COL22A1: variants seen among roughly 807,000 people sequenced by gnomAD.
COL22A1 encodes collagen alpha-1(XXII) chain.
In COL22A1, 221 loss-of-function variants were observed where a neutral mutation model predicts 248.9. The observed-to-expected ratio is 0.89, with a 90% confidence interval of 0.80 to 0.99. The LOEUF (loss-of-function observed/expected upper bound fraction) is 0.99, where lower values mean the gene tolerates loss of function less well. Among genes scored for constraint, COL22A1 ranks in the 50% least tolerant of loss-of-function variants. The pLI, the probability that COL22A1 is intolerant of heterozygous loss-of-function variation, is 0.00. For missense variants in COL22A1, 2,240 were observed against 2,179.0 expected (o/e 1.03, Z -0.56); for synonymous variants, 891 against 793.4 (o/e 1.12, Z -2.07).
intron 30 of COL22A1, among the ~76,000 whole-genome samples, chr8:138,714,238 A>C (rs1829260893): frequency 6.6e-6 from 1 of 152,148 alleles, no homozygotes; most frequent in Admixed American, 6.5e-5. Context: ...GGCGTGTATC[A>C]AAATCTCTCT....
intron 1 of COL22A1, among the ~76,000 whole-genome samples, chr8:138,903,879 A>C (rs1814801108): frequency 6.6e-6 from 1 of 152,000 alleles, no homozygotes; most frequent in Non-Finnish European, 1.5e-5. Context: ...CGTCTGCTGG[A>C]GCTGCTGAGT....
chr8:138,815,678 A>G (rs1250845411), intron 7 of COL22A1, among the ~76,000 whole-genome samples: 1 of 152,162 alleles, frequency 6.6e-6, no homozygotes, highest in Non-Finnish European at 1.5e-5. Context: ...TAGAACATAG[A>G]CCACGAGGGC....
At chr8:138,676,901 A>G (rs538283323) in intron 40 of COL22A1, among the ~76,000 whole-genome samples, 2 of 152,290 alleles carry the variant, frequency 1.3e-5, no homozygotes, top group South Asian at 4.1e-4. Context: ...ATGTGATTAT[A>G]ACACTATGGC....
In COL22A1 at chr8:138,684,436, G is replaced by C; in HGVS notation, c.3001C>G (p.Leu1001Val). 6.2e-7 allele frequency: 1 copy of C among 1,610,858 alleles called. No individual in the cohort carries two copies. The change falls in exon 39 of 65, where the codon CTA (leucine) becomes GTA (valine). Residue 1001 changes from leucine to valine, a missense_variant. Leu to Val is a conservative substitution (Grantham distance 32). Transcript: ENST00000303045. ...LRGSPGLPGP[L>V]GTKAACGKVR... ...GGACAAGCACTCACCTTGGTTCCTA[G>C]GGGTCCAGGGAGTCCAGGTGATCCA...
intron 2 of COL22A1, among the ~76,000 whole-genome samples, chr8:138,882,604 TCACACTCCCA>T (rs1411055258): frequency 7.9e-6 from 1 of 127,292 alleles, no homozygotes; most frequent in Middle Eastern, 5.3e-3. Flanking sequence ...ACACACTCCC[TCACACTCCCA>T]CACACTCTTC....
chr8:138,878,409 G>T, intron 2 of COL22A1, 93 bp from the exon 3 acceptor site: 1 of 1,070,066 alleles, frequency 9.3e-7, no homozygotes, highest in Non-Finnish European at 1.3e-6. Context: ...ACACACACCT[G>T]CTCAAATACC....
chr8:138,635,376 T>C (rs1049711522), intron 48 of COL22A1, among the ~76,000 whole-genome samples: 1 of 152,198 alleles, frequency 6.6e-6, no homozygotes, highest in South Asian at 2.1e-4. Context: ...TGTGGTTAAG[T>C]GCAGGGTACA....
At chr8:138,743,119 A>C (rs1330984281) in intron 22 of COL22A1, among the ~76,000 whole-genome samples, 1 of 115,100 alleles carries the variant, frequency 8.7e-6, no homozygotes, top group African/African-American at 3.4e-5. Flanking sequence ...TGATGGTGGT[A>C]GTGATTGTGA....
At chr8:138,796,028 C>G (rs1030892035) in intron 12 of COL22A1, among the ~76,000 whole-genome samples, 9 of 152,214 alleles carry the variant, frequency 5.9e-5, no homozygotes, top group African/African-American at 2.2e-4. Context: ...GGCATTTGCA[C>G]TGTAAAGTCT....
intron 52 of COL22A1, among the ~76,000 whole-genome samples, chr8:138,622,004 CAA>C (rs1819849062): frequency 6.6e-6 from 1 of 152,206 alleles, no homozygotes; most frequent in Non-Finnish European, 1.5e-5. Flanking sequence ...CAGCATCTGG[CAA>C]ACAGTGTAAA....
At chr8:138,845,103 C>A (rs2131874454) in intron 3 of COL22A1, among the ~76,000 whole-genome samples, 1 of 152,176 alleles carries the variant, frequency 6.6e-6, no homozygotes, top group African/African-American at 2.4e-5. Flanking sequence ...CATAAACAGG[C>A]AAATTCCAAA....
intron 3 of COL22A1, among the ~76,000 whole-genome samples, chr8:138,869,129 G>T (rs940449136): frequency 2.0e-5 from 3 of 152,162 alleles, no homozygotes; most frequent in African/African-American, 7.2e-5. Flanking sequence ...GGGAGGCCCA[G>T]CTGGGTGACC....
At chr8:138,590,346 A>C (rs1816937588) in intron 64 of COL22A1, among the ~76,000 whole-genome samples, 1 of 152,162 alleles carries the variant, frequency 6.6e-6, no homozygotes, top group Non-Finnish European at 1.5e-5. Flanking sequence ...TGCCTAGATC[A>C]AGTTTTGAGG....
chr8:138,775,850 A>ATGCACACACAAATGTG, intron 16 of COL22A1, 116 bp downstream of exon 16: 1 of 983,586 alleles, frequency 1.0e-6, no homozygotes. Context: ...ATGTGCACAC[A>ATGCACACACAAATGTG]TGCACACACA....
chr8:138,774,382 G>T (rs1814202014), intron 16 of COL22A1, among the ~76,000 whole-genome samples: 1 of 148,838 alleles, frequency 6.7e-6, no homozygotes, highest in Admixed American at 6.7e-5. Context: ...AATAAATAAA[G>T]CTATAAGTTT....
chr8:138,683,696 C>T (rs983502134), intron 39 of COL22A1, among the ~76,000 whole-genome samples: 4 of 152,144 alleles, frequency 2.6e-5, no homozygotes, highest in Admixed American at 6.5e-5. Context: ...GGGATTCACA[C>T]GTGACCACTG....
chr8:138,878,172 AC>A lies in COL22A1; in HGVS notation c.235del (p.Val79SerfsTer150). 1 of 1,603,582 alleles carries A rather than the reference AC, an allele frequency of 6.2e-7. No individual in the cohort carries two copies. Among genetic ancestry groups the A allele is most frequent in the Non-Finnish European group, 8.5e-7 (1 of 1,176,028 alleles). On this transcript the variant is annotated frameshift_variant, in exon 3 of 65. Coordinates refer to ENST00000303045, the MANE Select transcript of COL22A1 (RefSeq NM_152888.3). LOFTEE classifies it high-confidence loss of function. ...EVGPDRTRVG[V>X]VRYSDRPTTA... The stretch of plus-strand genomic sequence containing the variant: ...GGTGGGCCGGTCGCTGTAGCGCACG[AC>A]CCCCACACGGGTGCGGTCGGGGCCC...
intron 3 of COL22A1, among the ~76,000 whole-genome samples, chr8:138,856,455 A>G (rs181086223): frequency 8.6e-4 from 131 of 152,220 alleles, no homozygotes; most frequent in Non-Finnish European, 1.5e-3. Context: ...AGAAGCAGTG[A>G]CAGCAAGAGA....
At chr8:138,799,471 TGTTC>T (rs1158941887) in intron 11 of COL22A1, among the ~76,000 whole-genome samples, 1 of 152,232 alleles carries the variant, frequency 6.6e-6, no homozygotes, top group Non-Finnish European at 1.5e-5. Context: ...AAATTGTTTT[TGTTC>T]TTTTCTTGTT....
Sources: gnomAD v4.1 joint callset for allele counts (sites outside exome capture counted in the v4.1 genomes callset) on GRCh38, gnomAD v4.1.1 for gene constraint, MANE v1.5 for transcripts, NCBI Gene and HGNC (gene_info 2026-07-23, HGNC 2026-07-21) for gene names.